LDB3: variants seen among roughly 807,000 people sequenced by gnomAD.
LDB3 encodes the protein LIM domain binding 3.
In LDB3, 49 loss-of-function variants were observed where a neutral mutation model predicts 69.0. That is an observed-to-expected ratio of 0.71 (90% confidence interval 0.56 to 0.90). The LOEUF is 0.90. LDB3 is among the 40% of genes least tolerant of loss of function. The pLI, the probability that LDB3 is intolerant of heterozygous loss-of-function variation, is 0.00. For synonymous variants in LDB3, 387 were observed against 396.2 expected, an observed-to-expected ratio of 0.98 and a Z score of 0.28; for missense variants, 928 against 974.1, an observed-to-expected ratio of 0.95 and a Z score of 0.63.
intron 7 of LDB3, among the ~76,000 whole-genome samples, chr10:86,695,537 GACCAGGC>G (rs1185943890): frequency 6.6e-6 from 1 of 152,206 alleles, no homozygotes; most frequent in Non-Finnish European, 1.5e-5. Flanking sequence ...ACCCTGGAAG[GACCAGGC>G]ACCTTAGGAA....
chr10:86,721,671 C>T (rs1847088724), intron 12 of LDB3, among the ~76,000 whole-genome samples: 1 of 152,222 alleles, frequency 6.6e-6, no homozygotes, highest in South Asian at 2.1e-4. Flanking sequence ...CCAACACCAG[C>T]AGCAACATCA....
Position 86,692,196 on chromosome 10 carries a change from T to C in LDB3, c.859+131T>C, listed in dbSNP as rs550307083. On this transcript the variant is annotated intron_variant, in intron 6 of 13. Transcript: ENST00000361373. ...TGAAGGTGGGCCAGGCTTGATGGTT[T>C]GTCAGTGGCTGGCAGGGCTCCTTCT... 7.4e-6 allele frequency: 8 copies of C among 1,082,928 alleles called. No individual in the cohort carries two copies. In the East Asian group the frequency reaches 2.1e-4, roughly 28 times the overall value. 67.1% of individuals were successfully genotyped at this position (1,082,928 alleles called of 1,614,324 possible).
intron 7 of LDB3, among the ~76,000 whole-genome samples, chr10:86,694,977 C>T (rs554956002): frequency 3.9e-5 from 6 of 152,196 alleles, no homozygotes; most frequent in Non-Finnish European, 8.8e-5. Context: ...CTCCCAAATC[C>T]CAGCGGGGAT....
Position 86,681,770 on chromosome 10 carries a change from G to A in LDB3, c.656G>A (p.Arg219Gln), listed in dbSNP as rs530979771. The change falls in exon 5 of 14, where the codon CGA becomes CAA. Residue 219 changes from arginine to glutamine, a missense_variant. Transcript: ENST00000361373. Reference sequence around the variant, plus strand: ...GCTCAGATGTACCAGATGAGCCTCCGAGGGAAGGCCTCGGGTGTCGGACTC... The same window carrying A: ...GCTCAGATGTACCAGATGAGCCTCCAAGGGAAGGCCTCGGGTGTCGGACTC... The part of the protein sequence containing the change: ...EMAQMYQMSL[R>Q]GKASGVGLPG... 4.2e-5 allele frequency: 68 copies of A among 1,600,068 alleles called. No homozygotes were observed. Among genetic ancestry groups the A allele is most frequent in the Non-Finnish European group, 5.4e-5 (63 of 1,172,326 alleles).
intron 9 of LDB3, 77 bp from the exon 10 acceptor site, chr10:86,716,250 T>C: frequency 6.5e-7 from 1 of 1,547,314 alleles, no homozygotes; most frequent in South Asian, 1.1e-5. Flanking sequence ...TTTGCATTTC[T>C]CTGGCTAGGA....
upstream of LDB3, among the ~76,000 whole-genome samples, chr10:86,667,858 C>T (rs79086445): frequency 2.3e-3 from 345 of 152,346 alleles, 5 homozygotes; most frequent in South Asian, 0.042. Flanking sequence ...ACTGGGAGCC[C>T]ATTATCTGGC....
rs45513100 is a variant in LDB3 at position 86,706,515 on chromosome 10, G to C, written c.897-16G>C. The C allele has an allele frequency of 8.5e-5, 137 of 1,611,006 alleles. No individual in the cohort carries two copies. The highest frequency in any genetic ancestry group is 1.5e-4 in the Admixed American group (9 of 59,998). ...GGCTCCCTTGACCTGTTGTCTTTTT[G>C]GTCCCGCCTCATCAGCACCCCTATT... On this transcript the variant is annotated splice_polypyrimidine_tract_variant and intron_variant, in intron 7 of 13. Transcript: ENST00000361373.
At chr10:86,698,701 G>A (rs79917147) in intron 7 of LDB3, among the ~76,000 whole-genome samples, 1 of 152,170 alleles carries the variant, frequency 6.6e-6, no homozygotes. Flanking sequence ...TGGCGAGCAG[G>A]GGTGGGCAGG....
chr10:86,680,292 G>A (rs555015126), intron 4 of LDB3, 135 bp downstream of exon 4: 66 of 775,664 alleles, frequency 8.5e-5, no homozygotes, highest in Admixed American at 8.3e-4. Flanking sequence ...CCCTGCCCCT[G>A]CTGCAGCTGA....
chr10:86,689,742 C>T (rs891692673), intron 5 of LDB3, among the ~76,000 whole-genome samples: 1 of 152,180 alleles, frequency 6.6e-6, no homozygotes, highest in African/African-American at 2.4e-5. Flanking sequence ...CTGCCATGAC[C>T]ACCCATGGGA....
rs1847564823 is a variant in LDB3, at chr10:86,734,472, C to CGATATTTAG, written c.*1498_*1506dup. The stretch of plus-strand genomic sequence containing the variant: ...TGCGTGGATGTTTCTCACTTGAGCA[C>CGATATTTAG]GATATTTAGGCTCTCTTCCAACTCA... On this transcript the variant is annotated 3_prime_UTR_variant, in exon 14 of 14. Coordinates refer to ENST00000361373, the MANE Select transcript of LDB3 (RefSeq NM_007078.3). 1 of 152,182 alleles carries CGATATTTAG rather than the reference C, an allele frequency of 6.6e-6. No individual in the cohort carries two copies. The highest frequency in any genetic ancestry group is 1.5e-5 in the Non-Finnish European group (1 of 68,030). 9.4% of individuals were successfully genotyped at this position (152,182 alleles called of 1,614,324 possible).
chr10:86,733,285 G>A lies in LDB3; in HGVS notation c.*309G>A, dbSNP rs547304943. ...AAGCAACAAGCAGCTTTCCCAAAGC[G>A]ATACACTTGCTTTGGTCACCAGAGG... is the stretch of plus-strand genomic sequence containing the variant. On this transcript the variant is annotated 3_prime_UTR_variant, in exon 14 of 14. Coordinates refer to ENST00000361373, the MANE Select transcript of LDB3 (RefSeq NM_007078.3). 2.4e-5 allele frequency: 9 copies of A among 373,620 alleles called. No homozygotes were observed. The East Asian group carries it at 3.3e-4, about 14-fold the overall frequency. 23.1% of individuals were successfully genotyped at this position (373,620 alleles called of 1,614,324 possible).
intron 7 of LDB3, among the ~76,000 whole-genome samples, chr10:86,697,311 A>G (rs1846045453): frequency 7.9e-6 from 1 of 127,124 alleles, no homozygotes; most frequent in African/African-American, 3.1e-5. Flanking sequence ...AACCTCCACC[A>G]CCCAGGCTCA....
chr10:86,731,926 TA>T (rs527630038), intron 13 of LDB3, among the ~76,000 whole-genome samples: 37 of 152,130 alleles, frequency 2.4e-4, no homozygotes, highest in Non-Finnish European at 4.0e-4. Flanking sequence ...TTTGTCTTGC[TA>T]GATTAATATG....
At chr10:86,719,775 C>T (rs1377779282) in intron 12 of LDB3, among the ~76,000 whole-genome samples, 3 of 152,196 alleles carry the variant, frequency 2.0e-5, no homozygotes, top group Non-Finnish European at 4.4e-5. Context: ...CCCCAAAATG[C>T]TATATGTTAT....
At chr10:86,696,704 G>A (rs56047232) in intron 7 of LDB3, among the ~76,000 whole-genome samples, 2,389 of 152,236 alleles carry the variant, frequency 0.016, 76 homozygotes, top group African/African-American at 0.053. Flanking sequence ...TAGTGTCTAC[G>A]GGATGGTCAG....
chr10:86,675,467 C>T (rs61857111), intron 2 of LDB3, among the ~76,000 whole-genome samples: 40,302 of 152,098 alleles, frequency 0.26, 5,883 homozygotes, highest in South Asian at 0.42. Context: ...CCTCTGTGAC[C>T]GAGGCCACAG....
upstream of LDB3, among the ~76,000 whole-genome samples, chr10:86,667,146 C>A (rs1429613175): frequency 6.6e-6 from 1 of 152,156 alleles, no homozygotes; most frequent in Non-Finnish European, 1.5e-5. Context: ...ACTTCTTCCA[C>A]TTGATAGTTT....
chr10:86,668,385 T>G, upstream of LDB3: 1 of 465,814 alleles, frequency 2.1e-6, no homozygotes, highest in Non-Finnish European at 4.0e-6. Context: ...AGGGGCTATA[T>G]TAGCCGTGTG....
Sources: gnomAD v4.1 joint callset for allele counts (sites outside exome capture counted in the v4.1 genomes callset) on GRCh38, gnomAD v4.1.1 for gene constraint, MANE v1.5 for transcripts, NCBI Gene and HGNC (gene_info 2026-07-23, HGNC 2026-07-21) for gene names.